The following RNF213 variants were observed in gnomAD, a reference collection of about 807,000 sequenced individuals.
RNF213 encodes the protein ring finger protein 213.
RNF213 carries 341 observed loss-of-function variants against 514.4 expected under a neutral mutation model. The observed-to-expected ratio is 0.66, with a 90% CI of 0.61 to 0.73. The LOEUF (loss-of-function observed/expected upper bound fraction) is 0.73, where lower values mean the gene tolerates loss of function less well. RNF213 is among the 30% of genes least tolerant of loss of function. RNF213 has a pLI of 0.00. For synonymous variants in RNF213, 2,655 were observed against 2,658.2 expected (o/e 1.00, Z 0.04); for missense variants, 5,767 against 6,615.6 (o/e 0.87, Z 4.45).
intron 19 of RNF213, 107 bp downstream of exon 19, chr17:80,328,096 C>A: frequency 7.6e-7 from 1 of 1,318,450 alleles, no homozygotes; most frequent in South Asian, 1.4e-5. Context: ...TCATCTTAGC[C>A]TTGATAATGA....
intron 13 of RNF213, among the ~76,000 whole-genome samples, chr17:80,307,552 TTTG>T (rs1269788606): frequency 5.4e-5 from 8 of 148,022 alleles, no homozygotes; most frequent in African/African-American, 2.0e-4. Flanking sequence ...GGTTTGTTTG[TTTG>T]TTTGTTTTTT....
At chr17:80,312,094 C>T (rs900666023) in intron 14 of RNF213, among the ~76,000 whole-genome samples, 11 of 152,142 alleles carry the variant, frequency 7.2e-5, no homozygotes, top group African/African-American at 2.7e-4. Context: ...CGCCACTGTA[C>T]TCCAGCCTGG....
At chr17:80,344,552 G>C (rs1247527176) in intron 28 of RNF213, 126 bp from the exon 29 acceptor site, 1 of 1,031,736 alleles carries the variant, frequency 9.7e-7, no homozygotes, top group Non-Finnish European at 1.5e-6. Context: ...TATACAGAAA[G>C]CTACATATTT....
intron 8 of RNF213, chr17:80,292,061 C>A: frequency 1.7e-6 from 1 of 594,980 alleles, no homozygotes; most frequent in Non-Finnish European, 3.0e-6. Context: ...CTTACCTACT[C>A]ACTTGCAGGA....
chr17:80,387,220 A>G (rs1232238607), intron 63 of RNF213, among the ~76,000 whole-genome samples: 3 of 152,184 alleles, frequency 2.0e-5, no homozygotes, highest in Non-Finnish European at 4.4e-5. Context: ...ATCCTCTCAC[A>G]TCAGCTTCCC....
intron 57 of RNF213, 38 bp from the exon 58 acceptor site, chr17:80,382,941 T>C (rs763889016): frequency 1.6e-5 from 21 of 1,299,176 alleles, no homozygotes; most frequent in Admixed American, 6.7e-5. Flanking sequence ...GTGTTCTTTG[T>C]GCCTTGGGTA....
chr17:80,350,105 C>T (rs186555700), intron 30 of RNF213, among the ~76,000 whole-genome samples, 196 bp from the exon 31 acceptor site: 41 of 152,298 alleles, frequency 2.7e-4, no homozygotes, highest in Non-Finnish European at 4.7e-4. Context: ...CATCCTCCTC[C>T]GAGAGCACCA....
At position 80,334,751 on chromosome 17, in the gene RNF213, C is replaced by T. The variant is rs533793640; in HGVS notation, c.4309+481C>T. Among the ~76,000 whole-genome samples, 312 of 151,522 alleles carry T rather than the reference C, an allele frequency of 2.1e-3. 2 individuals carry two copies. The highest frequency in any genetic ancestry group is 7.0e-3 in the African/African-American group (291 of 41,278). Reference sequence around the variant, plus strand: ...ACGCCATTCTCTTGCCTCAGCCTCCCGAGTAGCTGGGACTACAGGCGACCG... The same window carrying T: ...ACGCCATTCTCTTGCCTCAGCCTCCTGAGTAGCTGGGACTACAGGCGACCG... On this transcript the variant is annotated intron_variant, in intron 22 of 67. Coordinates refer to ENST00000582970, the MANE Select transcript of RNF213 (RefSeq NM_001256071.3).
At chr17:80,322,303 G>A (rs1182733707) in intron 17 of RNF213, among the ~76,000 whole-genome samples, 2 of 151,684 alleles carry the variant, frequency 1.3e-5, no homozygotes, top group Non-Finnish European at 2.9e-5. Context: ...AGGGACTACA[G>A]GCATGTGCCA....
In RNF213 at chr17:80,361,739, C is replaced by T. The variant is rs868082795; in HGVS notation, c.11206C>T (p.Pro3736Ser). Reference protein sequence around the residue: ...AQYITDAEGLPKKFVDIFQQT... With the variant: ...AQYITDAEGLSKKFVDIFQQT... ...CCTTGGTTTCCTCTCTGCAGGACTGCCCAAGAAGTTCGTGGACATCTTTCA... is the reference window on the plus strand; with the variant it reads ...CCTTGGTTTCCTCTCTGCAGGACTGTCCAAGAAGTTCGTGGACATCTTTCA... The change falls in exon 39 of 68, where the codon CCC becomes TCC. Residue 3736 changes from proline (P) to serine (S), a missense_variant. Physicochemically the swap from Pro to Ser is moderately conservative, Grantham distance 74. Around this residue, in one of 13 missense-constraint regions of RNF213, gnomAD observed 355 missense variants for 358.0 expected, o/e 0.99. Coordinates refer to ENST00000582970, the MANE Select transcript of RNF213 (RefSeq NM_001256071.3). 4 of 1,613,316 alleles carry T rather than the reference C, an allele frequency of 2.5e-6. No homozygotes were observed. The highest frequency in any genetic ancestry group is 2.7e-5 in the African/African-American group (2 of 74,890).
chr17:80,361,924 G>C, intron 39 of RNF213, 36 bp downstream of exon 39: 6 of 1,600,328 alleles, frequency 3.7e-6, no homozygotes, highest in Non-Finnish European at 4.3e-6. Flanking sequence ...GTCAGGTGTA[G>C]AGCTTGCATG....
chr17:80,314,267 G>C (rs1483124556), intron 15 of RNF213, among the ~76,000 whole-genome samples: 69 of 99,892 alleles, frequency 6.9e-4, no homozygotes, highest in East Asian at 1.9e-3. Flanking sequence ...TGGTGGTAAA[G>C]GTGATGGTGG....
At chr17:80,375,522 A>C (rs1163143086) in intron 50 of RNF213, among the ~76,000 whole-genome samples, 1 of 147,712 alleles carries the variant, frequency 6.8e-6, no homozygotes, top group Admixed American at 6.8e-5. Context: ...AAACATGGTG[A>C]AACCCCGTGT....
Position 80,346,456 on chromosome 17 carries a change from C to T in RNF213, c.8121C>T (p.Ile2707=), listed in dbSNP as rs562114737. The T allele has an allele frequency of 1.4e-5, 22 of 1,613,786 alleles. 1 individual carries two copies. The highest frequency in any genetic ancestry group is 6.7e-5 in the African/African-American group (5 of 75,002). Residue 2707 remains isoleucine, a synonymous_variant, in exon 29 of 68, where the codon ATC becomes ATT. Coordinates refer to ENST00000582970, the MANE Select transcript of RNF213 (RefSeq NM_001256071.3). The surrounding 1 kb of genome is among the most constrained non-coding windows in gnomAD (Gnocchi z 8.1). ...LEKKDSYRKA[I]ARFFPKPYDD... The stretch of plus-strand genomic sequence containing the variant: ...AGAAAGACTCATATCGGAAAGCCAT[C>T]GCCAGGTTCTTTCCGAAACCGTATG...
chr17:80,381,589 G>C lies in RNF213; in HGVS notation c.13840G>C (p.Gly4614Arg), dbSNP rs2080006229. ...IIKPPVRDPK[G>R]FLQQHILKDL... Reference sequence around the variant, plus strand: ...TAAGCCTCCAGTGAGGGATCCAAAAGGCTTTCTGCAGCAGCACATCCTGAA... The same window carrying C: ...TAAGCCTCCAGTGAGGGATCCAAAACGCTTTCTGCAGCAGCACATCCTGAA... Residue 4614 changes from glycine to arginine, a missense_variant, in exon 57 of 68, where the codon GGC becomes CGC. Gly to Arg is a moderately radical substitution (Grantham distance 125). This residue lies in a region of RNF213 where 1,245 missense variants were observed against 1,339.0 expected (regional missense o/e 0.93). Coordinates refer to ENST00000582970, the MANE Select transcript of RNF213 (RefSeq NM_001256071.3). 2 of 1,614,232 alleles carry C rather than the reference G, an allele frequency of 1.2e-6. No homozygotes were observed. The highest frequency in any genetic ancestry group is 1.7e-5 in the Admixed American group (1 of 60,026).
intron 3 of RNF213, among the ~76,000 whole-genome samples, chr17:80,275,011 G>C (rs2043998155): frequency 8.1e-6 from 1 of 122,992 alleles, no homozygotes; most frequent in Non-Finnish European, 1.7e-5. Context: ...GGGTATGTGA[G>C]TTGGTGTGTG....
intron 3 of RNF213, among the ~76,000 whole-genome samples, chr17:80,286,839 T>C (rs1568012556): frequency 6.6e-6 from 1 of 152,014 alleles, no homozygotes; most frequent in African/African-American, 2.4e-5. Flanking sequence ...GAGATGCCTG[T>C]GGGGTCCCAG....
At chr17:80,278,110 T>C (rs1441178633) in intron 3 of RNF213, among the ~76,000 whole-genome samples, 1 of 152,118 alleles carries the variant, frequency 6.6e-6, no homozygotes, top group Non-Finnish European at 1.5e-5. Flanking sequence ...CTTCCTGTGG[T>C]GAGGGAAGAG....
At chr17:80,323,941 C>T (rs539604930) in intron 17 of RNF213, among the ~76,000 whole-genome samples, 2 of 151,948 alleles carry the variant, frequency 1.3e-5, no homozygotes, top group Non-Finnish European at 2.9e-5. Context: ...TATCCTGCAA[C>T]ATTGCTGAGC....
Sources: allele counts gnomAD v4.1 joint callset (sites outside exome capture counted in the v4.1 genomes callset), GRCh38; gene constraint gnomAD v4.1.1; regional missense constraint gnomAD v4.1.1; non-coding constraint Gnocchi (gnomAD v3.1); transcripts MANE v1.5; gene names NCBI Gene and HGNC (gene_info 2026-07-23, HGNC 2026-07-21).